ADAMTSL1: variants seen among roughly 807,000 people sequenced by gnomAD.
ADAMTSL1 encodes ADAMTS like 1, also known as ADAMTS-like protein 1.
Under a neutral mutation model 201.8 loss-of-function variants are expected in ADAMTSL1, and 126 were observed. The observed-to-expected ratio is 0.62, with a 90% CI of 0.54 to 0.72. The LOEUF is 0.72. Ranked by LOEUF, ADAMTSL1 falls within the 30% of genes least tolerant of loss-of-function variation. The pLI, the probability that ADAMTSL1 is intolerant of heterozygous loss-of-function variation, is 0.00. For missense variants in ADAMTSL1, 2,679 were observed against 2,277.8 expected (o/e 1.18, Z -3.59); for synonymous variants, 1,121 against 903.4 (o/e 1.24, Z -4.32).
intron 2 of ADAMTSL1, among the ~76,000 whole-genome samples, chr9:18,308,579 A>C (rs1833998239): frequency 6.6e-6 from 1 of 151,966 alleles, no homozygotes. Context: ...AATAAACTGG[A>C]AAATGAAGAA....
intron 5 of ADAMTSL1, chr9:18,622,732 G>T (rs1826114514): frequency 5.2e-6 from 2 of 386,456 alleles, no homozygotes; most frequent in African/African-American, 4.1e-5. Context: ...AGGAAAGTGG[G>T]AAGATAGCAC....
chr9:18,263,604 G>A (rs574351070), intron 2 of ADAMTSL1, among the ~76,000 whole-genome samples: 96 of 152,314 alleles, frequency 6.3e-4, no homozygotes, highest in Admixed American at 1.4e-3. Flanking sequence ...ATTGTGGACT[G>A]AAAGTTTCTG....
At chr9:18,639,872 G>C (rs939292452) in intron 7 of ADAMTSL1, among the ~76,000 whole-genome samples, 73 of 152,070 alleles carry the variant, frequency 4.8e-4, no homozygotes, top group African/African-American at 1.7e-3. Context: ...CCTTCTATCA[G>C]AGCTTCCCTA....
At chr9:18,853,336 C>T (rs1426431015) in intron 23 of ADAMTSL1, among the ~76,000 whole-genome samples, 4 of 152,160 alleles carry the variant, frequency 2.6e-5, no homozygotes. Flanking sequence ...AAATCAGTTC[C>T]CCCAAAATTT....
At chr9:18,737,637 C>G (rs1253356737) in intron 15 of ADAMTSL1, among the ~76,000 whole-genome samples, 1 of 152,148 alleles carries the variant, frequency 6.6e-6, no homozygotes, top group Non-Finnish European at 1.5e-5. Flanking sequence ...AAAGATGTGT[C>G]TAGAATCTAA....
chr9:18,123,043 G>C (rs1316447183), intron 1 of ADAMTSL1, among the ~76,000 whole-genome samples: 2 of 152,092 alleles, frequency 1.3e-5, no homozygotes, highest in Non-Finnish European at 2.9e-5. Flanking sequence ...CCAGTCTCAA[G>C]TTTAAAGATA....
chr9:17,922,258 A>G (rs894662301), intron 1 of ADAMTSL1, among the ~76,000 whole-genome samples: 1 of 152,124 alleles, frequency 6.6e-6, no homozygotes, highest in Non-Finnish European at 1.5e-5. Flanking sequence ...CACGTGCTAC[A>G]TATTTCTTTT....
intron 7 of ADAMTSL1, among the ~76,000 whole-genome samples, chr9:18,642,553 A>G (rs543985399): frequency 6.6e-6 from 1 of 152,072 alleles, no homozygotes; most frequent in South Asian, 2.1e-4. Context: ...GAAATTTTGT[A>G]TCTTTTGACC....
rs114125903 is a variant in ADAMTSL1 at position 18,012,473 on chromosome 9, A to G, written c.87+105551A>G. ...AAACAGCATTTAGGCAAGTCCATGT[A>G]AAGTGGAGGCTACTTGCCTCCACCC... is the stretch of plus-strand genomic sequence containing the variant. On this transcript the variant is annotated intron_variant, in intron 1 of 29. Transcript: ENST00000680146. Among the ~76,000 whole-genome samples the G allele has an allele frequency of 2.3e-3, 350 of 152,198 alleles. 2 individuals carry two copies. Among genetic ancestry groups the G allele is most frequent in the African/African-American group, 7.9e-3 (328 of 41,566 alleles).
At chr9:18,468,143 G>A (rs969120712) in intron 2 of ADAMTSL1, among the ~76,000 whole-genome samples, 2 of 152,154 alleles carry the variant, frequency 1.3e-5, no homozygotes, top group African/African-American at 4.8e-5. Flanking sequence ...ATTGTGCATT[G>A]CATACAGTAG....
intron 2 of ADAMTSL1, among the ~76,000 whole-genome samples, chr9:18,531,573 C>A (rs1011518019): frequency 6.6e-6 from 1 of 151,980 alleles, no homozygotes; most frequent in Non-Finnish European, 1.5e-5. Flanking sequence ...AGGAATGGGA[C>A]CCTTTCTATA....
At chr9:18,772,706 C>G (rs866318598) in intron 17 of ADAMTSL1, among the ~76,000 whole-genome samples, 1 of 151,978 alleles carries the variant, frequency 6.6e-6, no homozygotes, top group South Asian at 2.1e-4. Flanking sequence ...AAAAGTGAAC[C>G]CTTATGATTG....
chr9:18,695,841 T>C (rs566131584), intron 13 of ADAMTSL1, among the ~76,000 whole-genome samples: 1 of 152,336 alleles, frequency 6.6e-6, no homozygotes, highest in African/African-American at 2.4e-5. Context: ...TGTTCTCACA[T>C]TGCTATAAAG....
intron 1 of ADAMTSL1, among the ~76,000 whole-genome samples, chr9:18,113,263 A>G (rs1825108929): frequency 6.6e-6 from 1 of 152,170 alleles, no homozygotes; most frequent in Non-Finnish European, 1.5e-5. Context: ...GACTAATGAC[A>G]GTGGCAGTGG....
chr9:18,075,504 T>C (rs1486906959), intron 1 of ADAMTSL1, among the ~76,000 whole-genome samples: 1 of 152,208 alleles, frequency 6.6e-6, no homozygotes, highest in Non-Finnish European at 1.5e-5. Context: ...TGTGTGTAGT[T>C]TGAAGTCAGT....
intron 2 of ADAMTSL1, among the ~76,000 whole-genome samples, chr9:18,367,284 A>G (rs762191844): frequency 2.0e-5 from 3 of 152,212 alleles, no homozygotes; most frequent in Non-Finnish European, 4.4e-5. Context: ...CATGAAATTT[A>G]TGCTTTTTCA....
At chr9:18,213,161 T>C (rs1039914076) in intron 2 of ADAMTSL1, among the ~76,000 whole-genome samples, 2 of 152,208 alleles carry the variant, frequency 1.3e-5, no homozygotes, top group Admixed American at 6.5e-5. Context: ...CAAGCTCTGC[T>C]CTTCCCTCTT....
chr9:18,568,471 C>T (rs1196297713), intron 3 of ADAMTSL1, among the ~76,000 whole-genome samples: 1 of 151,998 alleles, frequency 6.6e-6, no homozygotes, highest in East Asian at 1.9e-4. Context: ...TTGAGGATTC[C>T]TAATATTTTG....
At position 18,091,068 on chromosome 9, in the gene ADAMTSL1, C is replaced by CGTGT. The variant is rs200331047; in HGVS notation, c.88-72794_88-72793insGTGT. ...AATAAGTAGTGTGTGTGTGTATATGCATGTGTGTGTGTGTGTGTGTGTGTG... is the reference window on the plus strand; with the variant it reads ...AATAAGTAGTGTGTGTGTGTATATGCGTGTATGTGTGTGTGTGTGTGTGTGTGTG... On this transcript the variant is annotated intron_variant, in intron 1 of 29. Transcript: ENST00000680146. 1.7e-3 allele frequency among the ~76,000 whole-genome samples: 253 copies of CGTGT among 147,636 alleles called. 5 individuals carry two copies. The highest frequency in any genetic ancestry group is 9.5e-3 in the Admixed American group (141 of 14,904).
Sources: allele counts gnomAD v4.1 joint callset (sites outside exome capture counted in the v4.1 genomes callset), GRCh38; gene constraint gnomAD v4.1.1; transcripts MANE v1.5; gene names NCBI Gene and HGNC (gene_info 2026-07-23, HGNC 2026-07-21).